ACSBG1: variants seen among roughly 807,000 people sequenced by gnomAD.
The protein encoded by ACSBG1 is long-chain-fatty-acid--CoA ligase ACSBG1.
A neutral mutation model predicts 80.2 loss-of-function variants in ACSBG1; 39 were observed. The observed-to-expected ratio is 0.49, with a 90% CI of 0.38 to 0.64. ACSBG1 has a LOEUF of 0.64. ACSBG1 is among the 30% of genes least tolerant of loss of function. The probability of loss-of-function intolerance (pLI) is 0.00; values close to 1 mark genes in which losing one functional copy is unlikely to be tolerated. For missense variants in ACSBG1, 828 were observed against 966.4 expected (o/e 0.86, Z 1.90); for synonymous variants, 392 against 379.5 (o/e 1.03, Z -0.38).
chr15:78,218,241 T>A (rs1055620231), intron 1 of ACSBG1, among the ~76,000 whole-genome samples: 1 of 149,250 alleles, frequency 6.7e-6, no homozygotes, highest in African/African-American at 2.5e-5. Context: ...GAACACTGCC[T>A]ATTCCTCAGA....
intron 2 of ACSBG1, among the ~76,000 whole-genome samples, chr15:78,200,726 G>A (rs2075159506): frequency 6.6e-6 from 1 of 152,162 alleles, no homozygotes; most frequent in African/African-American, 2.4e-5. Flanking sequence ...TCCTGTGACA[G>A]GTTCAGGCTG....
chr15:78,206,737 C>T (rs1301593961), intron 2 of ACSBG1, among the ~76,000 whole-genome samples: 1 of 152,200 alleles, frequency 6.6e-6, no homozygotes, highest in African/African-American at 2.4e-5. Flanking sequence ...GCCCATGCTG[C>T]GTGTCTACTG....
chr15:78,210,578 G>A (rs528850830), intron 1 of ACSBG1, among the ~76,000 whole-genome samples: 4 of 152,152 alleles, frequency 2.6e-5, no homozygotes, highest in Non-Finnish European at 4.4e-5. Context: ...GTTGTTGTTC[G>A]TAATGGTCGT....
In ACSBG1 at chr15:78,201,555, G is replaced by A. The variant is rs73463140; in HGVS notation, c.232+6447C>T. On this transcript the variant is annotated intron_variant, in intron 2 of 13. Coordinates refer to ENST00000258873, the MANE Select transcript of ACSBG1 (RefSeq NM_015162.5). ...CACAGCTCAGTGGCCTCAGCCTTGG[G>A]TGCCAGCTGCCAAGCTCACTCCTGC... is the stretch of plus-strand genomic sequence containing the variant. Among the ~76,000 whole-genome samples, 315 of 152,332 alleles carry A rather than the reference G, an allele frequency of 2.1e-3. 1 individual carries two copies. Among genetic ancestry groups the A allele is most frequent in the African/African-American group, 7.3e-3 (303 of 41,580 alleles).
chr15:78,197,361 T>G (rs1476053538), intron 2 of ACSBG1, among the ~76,000 whole-genome samples: 1 of 152,124 alleles, frequency 6.6e-6, no homozygotes, highest in Non-Finnish European at 1.5e-5. Flanking sequence ...AATAATCAAA[T>G]TGTGCACTTA....
At chr15:78,208,504 G>A (rs2075237776) in intron 1 of ACSBG1, among the ~76,000 whole-genome samples, 1 of 152,224 alleles carries the variant, frequency 6.6e-6, no homozygotes, top group African/African-American at 2.4e-5. Context: ...AGACTTTTGG[G>A]GCGGGGGTTC....
At chr15:78,203,312 C>T (rs965558253) in intron 2 of ACSBG1, among the ~76,000 whole-genome samples, 1 of 152,178 alleles carries the variant, frequency 6.6e-6, no homozygotes. Flanking sequence ...GTCTCTGTTG[C>T]CCAGCAAGGC....
chr15:78,199,513 A>G (rs2075146558), intron 2 of ACSBG1, among the ~76,000 whole-genome samples: 1 of 151,914 alleles, frequency 6.6e-6, no homozygotes, highest in African/African-American at 2.4e-5. Flanking sequence ...CAATAGAGAG[A>G]CCTTGTCTCT....
Position 78,220,404 on chromosome 15 carries a change from C to T in ACSBG1, c.132-12302G>A, listed in dbSNP as rs530993435. On this transcript the variant is annotated intron_variant, in intron 1 of 13. Transcript: ENST00000258873. ...AGAAAATATTAATAAATCTTTGTGACCTTGTGTTAGGCAAGTTTTTTTTTA... is the reference window on the plus strand; with the variant it reads ...AGAAAATATTAATAAATCTTTGTGATCTTGTGTTAGGCAAGTTTTTTTTTA... Among the ~76,000 whole-genome samples, 11 of 152,210 alleles carry T rather than the reference C, an allele frequency of 7.2e-5. No individual in the cohort carries two copies. In the South Asian group the frequency reaches 1.7e-3, roughly 23 times the overall value.
chr15:78,217,503 G>A (rs1232578044), intron 1 of ACSBG1, among the ~76,000 whole-genome samples: 2 of 152,096 alleles, frequency 1.3e-5, no homozygotes, highest in East Asian at 3.9e-4. Flanking sequence ...TACAGAGAGT[G>A]AGGCACTTCA....
Position 78,178,370 on chromosome 15 carries a change from C to T in ACSBG1, c.1702+244G>A, listed in dbSNP as rs974813729. On this transcript the variant is annotated intron_variant, in intron 11 of 13. Coordinates refer to ENST00000258873, the MANE Select transcript of ACSBG1 (RefSeq NM_015162.5). The surrounding 1 kb of genome is among the most constrained non-coding windows in gnomAD (Gnocchi z 4.3). Reference sequence around the variant, plus strand: ...CTGGTGTGCAAAGAGGCAATCTCAGCTCACTGCAACCTCTGCCTCCCGGGT... The same window carrying T: ...CTGGTGTGCAAAGAGGCAATCTCAGTTCACTGCAACCTCTGCCTCCCGGGT... 4.6e-5 allele frequency among the ~76,000 whole-genome samples: 7 copies of T among 152,194 alleles called. No individual in the cohort carries two copies. The highest frequency in any genetic ancestry group is 1.9e-4 in the East Asian group (1 of 5,202).
At position 78,200,741 on chromosome 15, in the gene ACSBG1, A is replaced by C. The variant is rs567298543; in HGVS notation, c.233-6015T>G. ...TCCTGTGACAGGTTCAGGCTGGGTG[A>C]CCTTGGGCAGCCATGACCTCCAGCC... On this transcript the variant is annotated intron_variant, in intron 2 of 13. Transcript: ENST00000258873. 1.6e-4 allele frequency among the ~76,000 whole-genome samples: 25 copies of C among 152,208 alleles called. No individual in the cohort carries two copies. In the East Asian group the frequency reaches 4.4e-3, roughly 27 times the overall value.
chr15:78,216,254 C>T (rs911515708), intron 1 of ACSBG1, among the ~76,000 whole-genome samples: 1 of 152,034 alleles, frequency 6.6e-6, no homozygotes, highest in Non-Finnish European at 1.5e-5. Context: ...TATAAAGTGA[C>T]AAAAATGGAC....
At chr15:78,208,465 G>A (rs955085138) in intron 1 of ACSBG1, among the ~76,000 whole-genome samples, 4 of 152,210 alleles carry the variant, frequency 2.6e-5, no homozygotes, top group African/African-American at 9.6e-5. Flanking sequence ...CCGCACTGGA[G>A]GATTCTGAAT....
At chr15:78,184,633 A>G (rs559471238) in intron 5 of ACSBG1, among the ~76,000 whole-genome samples, 2 of 152,262 alleles carry the variant, frequency 1.3e-5, no homozygotes, top group African/African-American at 4.8e-5. Context: ...ACAATATAAC[A>G]TTTGAAAAGT....
In ACSBG1 at chr15:78,207,129, C is replaced by T. The variant is rs193204240; in HGVS notation, c.232+873G>A. On this transcript the variant is annotated intron_variant, in intron 2 of 13. Coordinates refer to ENST00000258873, the MANE Select transcript of ACSBG1 (RefSeq NM_015162.5). ...TGGGAGGATGAACGTGGGAGGCTCC[C>T]GGGACCAAGCTGTCCCTGTTCCTGG... Among the ~76,000 whole-genome samples the T allele has an allele frequency of 8.2e-4, 125 of 152,308 alleles. 1 individual carries two copies. Among genetic ancestry groups the T allele is most frequent in the East Asian group, 3.7e-3 (19 of 5,178 alleles).
At chr15:78,211,006 A>C (rs1294689980) in intron 1 of ACSBG1, among the ~76,000 whole-genome samples, 1 of 152,168 alleles carries the variant, frequency 6.6e-6, no homozygotes, top group Non-Finnish European at 1.5e-5. Context: ...TCACTCCTAC[A>C]TTGCCATTTC....
At chr15:78,207,864 G>A in intron 2 of ACSBG1, 138 bp downstream of exon 2, 2 of 686,250 alleles carry the variant, frequency 2.9e-6, no homozygotes, top group South Asian at 3.5e-5. Flanking sequence ...GTCCCTGGGA[G>A]CGTGGAACCA....
At chr15:78,182,375 G>A in intron 7 of ACSBG1, 91 bp downstream of exon 7, 1 of 1,531,170 alleles carries the variant, frequency 6.5e-7, no homozygotes, top group East Asian at 2.3e-5. Context: ...GGCCCAAGGA[G>A]CTTTCCCAGG....
Sources: allele counts gnomAD v4.1 joint callset (sites outside exome capture counted in the v4.1 genomes callset), GRCh38; gene constraint gnomAD v4.1.1; non-coding constraint Gnocchi (gnomAD v3.1); transcripts MANE v1.5; gene names NCBI Gene and HGNC (gene_info 2026-07-23, HGNC 2026-07-21).